Variants in AKT3 observed in about 807,000 individuals in gnomAD.
AKT3 encodes the protein AKT serine/threonine kinase 3.
AKT3 carries 15 observed loss-of-function variants against 65.3 expected under a neutral mutation model. That is an observed-to-expected ratio of 0.23 (90% CI 0.15 to 0.35). AKT3 has a LOEUF of 0.35. Among genes scored for constraint, AKT3 ranks in the 10% least tolerant of loss-of-function variants. The pLI is 1.00. For missense variants in AKT3, 243 were observed against 576.5 expected (o/e 0.42, Z 5.92); for synonymous variants, 206 against 183.8 (o/e 1.12, Z -0.98).
chr1:243,785,284 T>C (rs1229774462), intron 2 of AKT3, among the ~76,000 whole-genome samples: 2 of 151,682 alleles, frequency 1.3e-5, no homozygotes, highest in Non-Finnish European at 2.9e-5. Context: ...TTCACCGTGT[T>C]AGTCAGGATG....
intron 4 of AKT3, among the ~76,000 whole-genome samples, chr1:243,663,633 T>G (rs1171227095): frequency 6.6e-6 from 1 of 152,192 alleles, no homozygotes; most frequent in Non-Finnish European, 1.5e-5. Context: ...CAATCATACA[T>G]TACCATTTAC....
At chr1:243,508,147 A>G (rs1669785528) in intron 13 of AKT3, among the ~76,000 whole-genome samples, 1 of 152,240 alleles carries the variant, frequency 6.6e-6, no homozygotes, top group Non-Finnish European at 1.5e-5. Flanking sequence ...GCTGCAAGAA[A>G]AAGGTTATGT....
At chr1:243,678,816 TTTTC>T (rs1165099277) in intron 3 of AKT3, among the ~76,000 whole-genome samples, 7 of 152,176 alleles carry the variant, frequency 4.6e-5, no homozygotes, top group Non-Finnish European at 7.4e-5. Flanking sequence ...GGAAGTAAAG[TTTTC>T]TTTCTTTCTA....
chr1:243,598,960 T>C (rs1676821413), intron 8 of AKT3, among the ~76,000 whole-genome samples: 1 of 152,202 alleles, frequency 6.6e-6, no homozygotes, highest in Admixed American at 6.5e-5. Flanking sequence ...CTTGAAGATT[T>C]AGTTCAAATG....
intron 2 of AKT3, among the ~76,000 whole-genome samples, chr1:243,811,805 T>C (rs1364467768): frequency 6.6e-6 from 1 of 152,202 alleles, no homozygotes; most frequent in Non-Finnish European, 1.5e-5. Flanking sequence ...AACAGCATGG[T>C]ACTGGTACCA....
chr1:243,512,885 C>T (rs113345621), intron 12 of AKT3, among the ~76,000 whole-genome samples: 156 of 152,232 alleles, frequency 1.0e-3, no homozygotes, highest in African/African-American at 3.4e-3. Flanking sequence ...CTTTGCCCTT[C>T]GTAAAGAACT....
chr1:243,644,769 T>C (rs773409317), intron 5 of AKT3, among the ~76,000 whole-genome samples: 5 of 152,330 alleles, frequency 3.3e-5, no homozygotes, highest in Non-Finnish European at 7.4e-5. Context: ...CTTCATTTCA[T>C]TTTAAATGAA....
intron 6 of AKT3, among the ~76,000 whole-genome samples, chr1:243,627,628 C>T (rs1679278834): frequency 6.6e-6 from 1 of 152,154 alleles, no homozygotes; most frequent in Admixed American, 6.6e-5. Context: ...TGGTGGCTCA[C>T]AGGAATACCA....
chr1:243,488,938 CAG>C, intron 13 of AKT3: 1 of 1,606,766 alleles, frequency 6.2e-7, no homozygotes. Context: ...GGGCTTCCCT[CAG>C]ATACACACAG....
chr1:243,792,718 G>T (rs1691705138), intron 2 of AKT3, among the ~76,000 whole-genome samples: 1 of 152,158 alleles, frequency 6.6e-6, no homozygotes, highest in South Asian at 2.1e-4. Flanking sequence ...AACACCAAGA[G>T]ATCACTTATC....
rs566715915 is a variant in AKT3 at position 243,636,837 on chromosome 1, G to A, written c.561+774C>T. On this transcript the variant is annotated intron_variant, in intron 6 of 13. Coordinates refer to ENST00000673466, the MANE Select transcript of AKT3 (RefSeq NM_005465.7). The stretch of plus-strand genomic sequence containing the variant: ...TTCTTTCCAATAGGGGCATTGACTT[G>A]TAAAGGAGTTGAGGTCAAAACAAAT... Among the ~76,000 whole-genome samples, 4 of 152,248 alleles carry A rather than the reference G, an allele frequency of 2.6e-5. No individual in the cohort carries two copies. The East Asian group carries it at 5.8e-4, about 22-fold the overall frequency.
At chr1:243,798,887 A>AT (rs1049512601) in intron 2 of AKT3, among the ~76,000 whole-genome samples, 3 of 152,148 alleles carry the variant, frequency 2.0e-5, no homozygotes, top group African/African-American at 7.2e-5. Context: ...GTTACTCATC[A>AT]TACCTCCTTC....
intron 6 of AKT3, among the ~76,000 whole-genome samples, chr1:243,620,506 TATGTTAGCA>T (rs67267601): frequency 0.42 from 46,617 of 110,990 alleles, 13,102 homozygotes; most frequent in Non-Finnish European, 0.62. Context: ...CAACAAGCCA[TATGTTAGCA>T]ATGTATACTT....
intron 9 of AKT3, among the ~76,000 whole-genome samples, chr1:243,570,888 G>GGTGAACT (rs1176463000): frequency 1.3e-5 from 2 of 152,110 alleles, no homozygotes; most frequent in East Asian, 1.9e-4. Context: ...TAGTAAACTT[G>GGTGAACT]GTGAACTGTG....
At chr1:243,752,203 C>CA (rs1356935179) in intron 2 of AKT3, among the ~76,000 whole-genome samples, 1 of 151,968 alleles carries the variant, frequency 6.6e-6, no homozygotes, top group African/African-American at 2.4e-5. Context: ...CTGAAAAGTA[C>CA]AAAAAATACA....
intron 2 of AKT3, among the ~76,000 whole-genome samples, chr1:243,740,098 G>C (rs1286967783): frequency 6.6e-6 from 1 of 152,210 alleles, no homozygotes; most frequent in African/African-American, 2.4e-5. Flanking sequence ...GGCCGGAAGA[G>C]AAGGGTCTTC....
At chr1:243,508,410 C>G (rs1249037693) in intron 13 of AKT3, among the ~76,000 whole-genome samples, 1 of 152,210 alleles carries the variant, frequency 6.6e-6, no homozygotes, top group Non-Finnish European at 1.5e-5. Context: ...ACAGAGGTGC[C>G]TGCAGATGCG....
At chr1:243,644,698 A>C (rs541612144) in intron 5 of AKT3, among the ~76,000 whole-genome samples, 1 of 152,312 alleles carries the variant, frequency 6.6e-6, no homozygotes, top group South Asian at 2.1e-4. Context: ...AAAAAGAAAA[A>C]TCCATAGAGG....
chr1:243,637,589 T>G (rs1390571383), intron 6 of AKT3, 22 bp downstream of exon 6: 1 of 1,570,848 alleles, frequency 6.4e-7, no homozygotes, highest in Non-Finnish European at 8.6e-7. Context: ...AATTTAGTAA[T>G]CAACTTTAAT....
Sources: gnomAD v4.1 joint callset for allele counts (sites outside exome capture counted in the v4.1 genomes callset) on GRCh38, gnomAD v4.1.1 for gene constraint, MANE v1.5 for transcripts, NCBI Gene and HGNC (gene_info 2026-07-23, HGNC 2026-07-21) for gene names.